NXN: variants seen among roughly 807,000 people sequenced by gnomAD.
NXN encodes the protein nucleoredoxin 1.
Under a neutral mutation model 48.6 loss-of-function variants are expected in NXN, and 16 were observed. That is an observed-to-expected ratio of 0.33 (90% confidence interval 0.22 to 0.50). The LOEUF is 0.50. Ranked by LOEUF, NXN falls within the 20% of genes least tolerant of loss-of-function variation. The pLI, the probability that NXN is intolerant of heterozygous loss-of-function variation, is 0.98. For synonymous variants in NXN, 281 were observed against 269.6 expected (o/e 1.04, Z -0.41); for missense variants, 492 against 605.5 (o/e 0.81, Z 1.97).
At chr17:802,970 C>T (rs968773801) in intron 7 of NXN, among the ~76,000 whole-genome samples, 2 of 151,630 alleles carry the variant, frequency 1.3e-5, no homozygotes, top group African/African-American at 4.9e-5. Context: ...GGTGGCAGCG[C>T]AGGCATGGAG....
chr17:913,519 G>A (rs2068656288), intron 1 of NXN, among the ~76,000 whole-genome samples: 1 of 152,210 alleles, frequency 6.6e-6, no homozygotes, highest in South Asian at 2.1e-4. Context: ...GCTGAGAAAG[G>A]AGAGTCGGTC....
At chr17:931,395 G>A (rs1286849777) in intron 1 of NXN, among the ~76,000 whole-genome samples, 1 of 151,458 alleles carries the variant, frequency 6.6e-6, no homozygotes, top group Non-Finnish European at 1.5e-5. Flanking sequence ...GGAGGTTGTA[G>A]TGAGCAGAGA....
intron 1 of NXN, among the ~76,000 whole-genome samples, chr17:843,415 G>A (rs1250643866): frequency 6.6e-6 from 1 of 152,250 alleles, no homozygotes; most frequent in East Asian, 1.9e-4. Flanking sequence ...ACCACAGACG[G>A]AGGGAAAGGC....
chr17:832,179 A>G (rs990844478), intron 1 of NXN, among the ~76,000 whole-genome samples: 1 of 150,186 alleles, frequency 6.7e-6, no homozygotes, highest in Non-Finnish European at 1.5e-5. Context: ...TTAGCCAGGA[A>G]TTTTTTTTTC....
intron 1 of NXN, among the ~76,000 whole-genome samples, chr17:872,793 G>T (rs370778999): frequency 6.6e-6 from 1 of 151,990 alleles, no homozygotes; most frequent in African/African-American, 2.4e-5. Flanking sequence ...GCTAATTTTT[G>T]TATTTTTAGT....
intron 1 of NXN, among the ~76,000 whole-genome samples, chr17:887,496 G>A (rs191033933): frequency 7.9e-5 from 12 of 152,124 alleles, no homozygotes; most frequent in Admixed American, 6.5e-4. Flanking sequence ...TCCAAATCCC[G>A]GGCATTTTCA....
At chr17:863,403 A>G in intron 1 of NXN, among the ~76,000 whole-genome samples, 1 of 152,052 alleles carries the variant, frequency 6.6e-6, no homozygotes, top group South Asian at 2.1e-4. Context: ...TCCTGACCTC[A>G]TGATCAGCCC....
chr17:822,749 C>T (rs576643351), intron 3 of NXN, among the ~76,000 whole-genome samples: 2 of 152,246 alleles, frequency 1.3e-5, no homozygotes, highest in Non-Finnish European at 2.9e-5. Flanking sequence ...CACAAGCACC[C>T]GCATTGTCCC....
chr17:835,992 A>G (rs75337960), intron 1 of NXN, among the ~76,000 whole-genome samples: 12 of 41,656 alleles, frequency 2.9e-4, no homozygotes, highest in East Asian at 2.5e-3. Flanking sequence ...GGCCGCAGGG[A>G]AAAAACACCG....
intron 1 of NXN, among the ~76,000 whole-genome samples, chr17:947,460 T>C (rs1234101729): frequency 6.6e-6 from 1 of 151,014 alleles, no homozygotes; most frequent in Non-Finnish European, 1.5e-5. Flanking sequence ...GGGCTCGGCG[T>C]GGTGGCTCAC....
intron 1 of NXN, among the ~76,000 whole-genome samples, chr17:858,392 G>C (rs1041709943): frequency 6.6e-6 from 1 of 152,052 alleles, no homozygotes; most frequent in African/African-American, 2.4e-5. Flanking sequence ...GTATTGACAT[G>C]AAAGAACCAC....
At chr17:842,363 G>T (rs929488142) in intron 1 of NXN, among the ~76,000 whole-genome samples, 7 of 152,246 alleles carry the variant, frequency 4.6e-5, no homozygotes, top group African/African-American at 1.7e-4. Context: ...GGCCACACAG[G>T]TGAAGCATGA....
chr17:964,296 GCC>G (rs1293409952), intron 1 of NXN, among the ~76,000 whole-genome samples: 3 of 151,728 alleles, frequency 2.0e-5, no homozygotes, highest in Non-Finnish European at 4.4e-5. Flanking sequence ...ATCTCTATTT[GCC>G]TGAACTGTTG....
At chr17:909,807 G>C (rs1435919712) in intron 1 of NXN, 3 of 152,136 alleles carry the variant, frequency 2.0e-5, no homozygotes, top group Non-Finnish European at 2.9e-5. Context: ...CACAGTGCTG[G>C]GATGATGGGC....
intron 1 of NXN, among the ~76,000 whole-genome samples, chr17:912,429 C>T (rs540060303): frequency 2.6e-5 from 4 of 152,246 alleles, no homozygotes; most frequent in African/African-American, 4.8e-5. Flanking sequence ...AAAGACACCG[C>T]ATCAGATTAC....
In NXN at chr17:943,733, G is replaced by C. The variant is rs535205492; in HGVS notation, c.360+35586C>G. Among the ~76,000 whole-genome samples, 15 of 152,022 alleles carry C rather than the reference G, an allele frequency of 9.9e-5. No homozygotes were observed. In the South Asian group the frequency reaches 2.9e-3, roughly 30 times the overall value. ...GCTACGACTCGGGGGGCTGAGACAG[G>C]AGAACTGCTTGAACCCAGGAGGCGG... On this transcript the variant is annotated intron_variant, in intron 1 of 7. Transcript: ENST00000336868.
intron 1 of NXN, among the ~76,000 whole-genome samples, chr17:873,817 G>A (rs12939839): frequency 0.26 from 39,214 of 152,064 alleles, 5,288 homozygotes; most frequent in Middle Eastern, 0.37. Flanking sequence ...GGGGAAAGAG[G>A]AGCAGTTCAT....
intron 1 of NXN, among the ~76,000 whole-genome samples, chr17:921,435 T>A (rs1323361259): frequency 6.6e-6 from 1 of 152,082 alleles, no homozygotes; most frequent in African/African-American, 2.4e-5. Context: ...CTGCTTTCCA[T>A]CTTTTCCTCG....
chr17:910,349 T>C (rs531188835), intron 1 of NXN, among the ~76,000 whole-genome samples: 3 of 151,368 alleles, frequency 2.0e-5, no homozygotes, highest in Non-Finnish European at 2.9e-5. Flanking sequence ...GAGGCGGAGG[T>C]TGTGGTGAGC....
Sources: allele counts gnomAD v4.1 joint callset (sites outside exome capture counted in the v4.1 genomes callset), GRCh38; gene constraint gnomAD v4.1.1; transcripts MANE v1.5; gene names NCBI Gene and HGNC (gene_info 2026-07-23, HGNC 2026-07-21).